Variants in TMEM116 observed in about 807,000 individuals in gnomAD.
TMEM116 encodes the protein transmembrane protein 116.
TMEM116 carries 38 observed loss-of-function variants against 44.3 expected under a neutral mutation model. That is an observed-to-expected ratio of 0.86 (90% confidence interval 0.66 to 1.12). TMEM116 has a LOEUF of 1.12. TMEM116 is among the 50% of genes most tolerant of loss of function. The pLI is 0.00. For synonymous variants in TMEM116, 132 were observed against 144.8 expected (o/e 0.91, Z 0.64); for missense variants, 354 against 401.7 (o/e 0.88, Z 1.01).
chr12:111,982,052 G>T (rs2075970642), intron 4 of TMEM116, among the ~76,000 whole-genome samples: 1 of 152,098 alleles, frequency 6.6e-6, no homozygotes, highest in Non-Finnish European at 1.5e-5. Flanking sequence ...GCATACTGGG[G>T]ATACATTGGT....
At chr12:111,998,191 T>C (rs1209184154) in intron 3 of TMEM116, among the ~76,000 whole-genome samples, 1 of 152,146 alleles carries the variant, frequency 6.6e-6, no homozygotes. Context: ...AAAGAAAGTT[T>C]TGGGAGTCGG....
At chr12:111,974,093 A>C in intron 4 of TMEM116, among the ~76,000 whole-genome samples, 1 of 152,146 alleles carries the variant, frequency 6.6e-6, no homozygotes, top group East Asian at 1.9e-4. Flanking sequence ...AAATAGGTAC[A>C]GAAAATAGCA....
chr12:111,999,737 G>A (rs911772866), intron 3 of TMEM116, among the ~76,000 whole-genome samples: 4 of 152,032 alleles, frequency 2.6e-5, no homozygotes, highest in African/African-American at 4.8e-5. Flanking sequence ...AATCCCACAA[G>A]ATGATTTGAG....
At chr12:111,966,947 T>C (rs1370823801) in intron 4 of TMEM116, among the ~76,000 whole-genome samples, 4 of 152,196 alleles carry the variant, frequency 2.6e-5, no homozygotes, top group Non-Finnish European at 5.9e-5. Flanking sequence ...GATCTCTCCA[T>C]AGGAAACTGT....
At chr12:111,944,556 G>C (rs1224204471) in intron 4 of TMEM116, among the ~76,000 whole-genome samples, 1 of 152,152 alleles carries the variant, frequency 6.6e-6, no homozygotes, top group Non-Finnish European at 1.5e-5. Context: ...GTCTTGGTGA[G>C]CTGAGCGACA....
At chr12:112,010,979 C>CGT (rs2136761025) in intron 1 of TMEM116, 1 of 152,454 alleles carries the variant, frequency 6.6e-6, no homozygotes, top group African/African-American at 2.4e-5. Context: ...TCACCCACTT[C>CGT]TACCCTGGAA....
At chr12:111,993,935 T>C (rs2076773946) in intron 3 of TMEM116, 2 of 669,932 alleles carry the variant, frequency 3.0e-6, no homozygotes, top group Admixed American at 1.8e-5. Context: ...GTCTGTATCA[T>C]TATGACTGGT....
chr12:111,973,493 G>A (rs781227558), intron 4 of TMEM116, among the ~76,000 whole-genome samples: 7 of 152,178 alleles, frequency 4.6e-5, no homozygotes, highest in East Asian at 3.9e-4. Flanking sequence ...AAAAATATAC[G>A]TAAGTAAAGA....
chr12:111,960,930 G>A (rs1450340546), intron 4 of TMEM116, among the ~76,000 whole-genome samples: 2 of 152,098 alleles, frequency 1.3e-5, no homozygotes, highest in East Asian at 1.9e-4. Flanking sequence ...TAGACCACTA[G>A]CCAGACTAAC....
chr12:112,003,313 A>C (rs1377857133), intron 3 of TMEM116, among the ~76,000 whole-genome samples: 1 of 152,218 alleles, frequency 6.6e-6, no homozygotes, highest in Non-Finnish European at 1.5e-5. Context: ...TCACGCCTGT[A>C]ATCCCAGCAC....
chr12:112,005,806 G>T, intron 1 of TMEM116: 1 of 875,474 alleles, frequency 1.1e-6, no homozygotes, highest in Non-Finnish European at 1.4e-6. Flanking sequence ...TCACTGATAG[G>T]TAGAAAGAGG....
chr12:111,999,008 T>C (rs1309360343), intron 3 of TMEM116, among the ~76,000 whole-genome samples: 1 of 152,124 alleles, frequency 6.6e-6, no homozygotes, highest in South Asian at 2.1e-4. Flanking sequence ...GTACCTATTA[T>C]TGAAATCAAG....
chr12:111,985,316 AAAT>A (rs1215742561), intron 4 of TMEM116, among the ~76,000 whole-genome samples: 4 of 152,172 alleles, frequency 2.6e-5, no homozygotes, highest in African/African-American at 4.8e-5. Context: ...CTGTTCAAAC[AAAT>A]AATAGAATTC....
At chr12:111,977,803 C>T (rs1223199954) in intron 4 of TMEM116, among the ~76,000 whole-genome samples, 1 of 151,976 alleles carries the variant, frequency 6.6e-6, no homozygotes, top group Non-Finnish European at 1.5e-5. Flanking sequence ...AAGGTACCTG[C>T]ACTACCCATG....
Position 111,960,667 on chromosome 12 carries a change from C to G in TMEM116, c.211-17298G>C, listed in dbSNP as rs975093372. ...ACAACATACCAGAATCTTTGGGACA[C>G]AGCCAAAGCAGTGTTTAGAGGGAAA... On this transcript the variant is annotated intron_variant, in intron 4 of 10. Coordinates refer to ENST00000552374, the MANE Select transcript of TMEM116 (RefSeq NM_001193531.2). 2.0e-5 allele frequency among the ~76,000 whole-genome samples: 3 copies of G among 152,026 alleles called. No individual in the cohort carries two copies. In the East Asian group the frequency reaches 5.8e-4, roughly 29 times the overall value.
At chr12:111,933,761 G>T in intron 9 of TMEM116, 125 bp downstream of exon 9, 1 of 1,177,516 alleles carries the variant, frequency 8.5e-7, no homozygotes, top group African/African-American at 1.5e-5. Flanking sequence ...CTCCCAAAGT[G>T]CTGGGATTAC....
At position 111,942,465 on chromosome 12, in the gene TMEM116, A is replaced by G. The variant is rs576539246; in HGVS notation, c.315+800T>C. On this transcript the variant is annotated intron_variant, in intron 5 of 10. Transcript: ENST00000552374. ...TTTTTTGTATTTTTAGTAGAGATGG[A>G]GTTTCACCGTGTTAGCCCGAATGGT... is the stretch of plus-strand genomic sequence containing the variant. Among the ~76,000 whole-genome samples the G allele has an allele frequency of 9.2e-5, 14 of 151,818 alleles. 2 individuals carry two copies. In the East Asian group the frequency reaches 2.7e-3, roughly 30 times the overall value.
chr12:112,012,524 C>T, intron 1 of TMEM116: 1 of 152,764 alleles, frequency 6.5e-6, no homozygotes, highest in East Asian at 1.9e-4. Context: ...GGTAATCCAC[C>T]TGCCTCGGCC....
At position 111,931,522 on chromosome 12, in the gene TMEM116, G is replaced by C. The variant is rs2071637534; in HGVS notation, c.*99C>G. On this transcript the variant is annotated 3_prime_UTR_variant, in exon 11 of 11. Transcript: ENST00000552374. ...ATTTCCTTTGAGTTCTGCAGTTTAG[G>C]GCATAGTTAGAAAAGATTTAAGATG... 6.8e-6 allele frequency: 8 copies of C among 1,174,044 alleles called. No individual in the cohort carries two copies. The highest frequency in any genetic ancestry group is 9.9e-6 in the Non-Finnish European group (8 of 805,992). 72.7% of individuals were successfully genotyped at this position (1,174,044 alleles called of 1,614,324 possible).
Sources: allele counts gnomAD v4.1 joint callset (sites outside exome capture counted in the v4.1 genomes callset), GRCh38; gene constraint gnomAD v4.1.1; transcripts MANE v1.5; gene names NCBI Gene and HGNC (gene_info 2026-07-23, HGNC 2026-07-21).